LY96: variants seen among roughly 807,000 people sequenced by gnomAD.
LY96 encodes lymphocyte antigen 96.
In LY96, 18 loss-of-function variants were observed where a neutral mutation model predicts 18.9. That is an observed-to-expected ratio of 0.95 (90% CI 0.66 to 1.41). The LOEUF (loss-of-function observed/expected upper bound fraction) is 1.41, where lower values mean the gene tolerates loss of function less well. Ranked by LOEUF, LY96 falls within the 40% of genes most tolerant of loss-of-function variation. The probability of loss-of-function intolerance (pLI) is 0.00; values close to 1 mark genes in which losing one functional copy is unlikely to be tolerated. For missense variants in LY96, 175 were observed against 182.4 expected, an observed-to-expected ratio of 0.96 and a Z score of 0.23; for synonymous variants, 66 against 62.6, an observed-to-expected ratio of 1.06 and a Z score of -0.26.
chr8:74,001,591 C>T (rs1816270689), intron 1 of LY96, among the ~76,000 whole-genome samples: 1 of 151,904 alleles, frequency 6.6e-6, no homozygotes, highest in South Asian at 2.1e-4. Flanking sequence ...GTGACTTATG[C>T]CTGTAATGCC....
chr8:74,067,590 A>G, the LY96 span, among the ~76,000 whole-genome samples: 1 of 152,152 alleles, frequency 6.6e-6, no homozygotes, highest in Non-Finnish European at 1.5e-5. Context: ...CAAAAGCAGA[A>G]GTGGGACTAG....
At chr8:74,073,569 T>C in the LY96 span, among the ~76,000 whole-genome samples, 11 of 152,212 alleles carry the variant, frequency 7.2e-5, no homozygotes, top group Admixed American at 6.5e-4. Context: ...TTCTAATCCA[T>C]GCAGTTTCCC....
chr8:74,002,328 C>G (rs1586649092), intron 1 of LY96, among the ~76,000 whole-genome samples: 1 of 151,254 alleles, frequency 6.6e-6, no homozygotes. Flanking sequence ...TTTTTTCTTC[C>G]ACTTCTGGAA....
intron 3 of LY96, among the ~76,000 whole-genome samples, chr8:74,012,911 T>C (rs1816558803): frequency 1.3e-5 from 2 of 152,160 alleles, no homozygotes; most frequent in African/African-American, 4.8e-5. Context: ...TTATTGGTTT[T>C]AACTATATAA....
the LY96 span, among the ~76,000 whole-genome samples, chr8:74,067,842 C>A: frequency 1.3e-5 from 2 of 151,936 alleles, no homozygotes; most frequent in Non-Finnish European, 2.9e-5. Context: ...AGACTGATCA[C>A]CTGAGGTCAG....
chr8:74,081,058 T>TCTCTTTCTC, the LY96 span, among the ~76,000 whole-genome samples: 43 of 130,512 alleles, frequency 3.3e-4, no homozygotes, highest in African/African-American at 1.2e-3. Flanking sequence ...TTTTCTTTCT[T>TCTCTTTCTC]TCTTTCTTAC....
At chr8:74,084,432 A>G in the LY96 span, among the ~76,000 whole-genome samples, 1 of 152,312 alleles carries the variant, frequency 6.6e-6, no homozygotes, top group Non-Finnish European at 1.5e-5. Context: ...GTAACTCTGA[A>G]GTGCAGTTTG....
At chr8:74,020,339 A>C (rs565183195) in intron 3 of LY96, among the ~76,000 whole-genome samples, 12 of 152,322 alleles carry the variant, frequency 7.9e-5, no homozygotes, top group African/African-American at 2.9e-4. Context: ...AGAGAATAAA[A>C]TATCTAGGAA....
the LY96 span, among the ~76,000 whole-genome samples, chr8:74,035,984 A>G: frequency 6.6e-6 from 1 of 152,214 alleles, no homozygotes; most frequent in Admixed American, 6.5e-5. Context: ...CCTAGGGCAC[A>G]TGTCATCAGG....
At chr8:74,005,844 T>C (rs1816397687) in intron 2 of LY96, among the ~76,000 whole-genome samples, 1 of 152,250 alleles carries the variant, frequency 6.6e-6, no homozygotes, top group South Asian at 2.1e-4. Context: ...ACTTTAGTTT[T>C]AATCTTTATC....
the LY96 span, among the ~76,000 whole-genome samples, chr8:74,071,834 T>C: frequency 6.6e-6 from 1 of 152,232 alleles, no homozygotes; most frequent in African/African-American, 2.4e-5. Flanking sequence ...TGATTCACAT[T>C]GTGTGTAGTG....
chr8:74,001,333 T>C (rs992745256), intron 1 of LY96, among the ~76,000 whole-genome samples: 3 of 151,918 alleles, frequency 2.0e-5, no homozygotes, highest in Non-Finnish European at 4.4e-5. Flanking sequence ...GAGTGATTCT[T>C]GTGCCTCAGC....
intron 3 of LY96, among the ~76,000 whole-genome samples, chr8:74,013,219 G>A (rs147788915): frequency 0.011 from 1,681 of 151,950 alleles, 20 homozygotes; most frequent in African/African-American, 0.029. Context: ...TCCACTTCCC[G>A]GGTTCAAGTG....
the LY96 span, among the ~76,000 whole-genome samples, chr8:74,098,150 G>A: frequency 6.6e-6 from 1 of 152,172 alleles, no homozygotes; most frequent in Non-Finnish European, 1.5e-5. Flanking sequence ...TCAGAAATGA[G>A]TAATTTCAGA....
At chr8:74,052,157 G>T in the LY96 span, among the ~76,000 whole-genome samples, 3 of 152,348 alleles carry the variant, frequency 2.0e-5, no homozygotes, top group Admixed American at 1.3e-4. Flanking sequence ...TGGATGGAAG[G>T]TTTTTGCCAG....
Position 73,998,691 on chromosome 8 carries a change from CA to C in LY96, c.113-6097del, listed in dbSNP as rs60367712. Among the ~76,000 whole-genome samples, 5 of 151,150 alleles carry C rather than the reference CA, an allele frequency of 3.3e-5. No individual in the cohort carries two copies. The East Asian group carries it at 5.8e-4, about 18-fold the overall frequency. On this transcript the variant is annotated intron_variant, in intron 1 of 4. Coordinates refer to ENST00000284818, the MANE Select transcript of LY96 (RefSeq NM_015364.5). The stretch of plus-strand genomic sequence containing the variant: ...GAGTGAAATCCTGTCTCTTCTCTCT[CA>C]AAAAAAAGGAAAAATGCCATTAGGA...
intron 2 of LY96, among the ~76,000 whole-genome samples, chr8:74,009,374 C>CAAAAAAAAAAAA (rs370593442): frequency 3.1e-4 from 18 of 58,802 alleles, no homozygotes; most frequent in Middle Eastern, 8.3e-3. Context: ...CAGTCTTTCT[C>CAAAAAAAAAAAA]AAAAAAAAAA....
chr8:74,031,982 G>T (rs1221236817), downstream of LY96, among the ~76,000 whole-genome samples: 2 of 152,040 alleles, frequency 1.3e-5, no homozygotes, highest in African/African-American at 4.8e-5. Flanking sequence ...AAAATTATCT[G>T]GTAGTGGTGG....
chr8:74,038,009 A>T, the LY96 span, among the ~76,000 whole-genome samples: 1 of 152,160 alleles, frequency 6.6e-6, no homozygotes, highest in Non-Finnish European at 1.5e-5. Flanking sequence ...AAAATTTTTA[A>T]TTTTTAATTC....
Sources: gnomAD v4.1 joint callset for allele counts (sites outside exome capture counted in the v4.1 genomes callset) on GRCh38, gnomAD v4.1.1 for gene constraint, MANE v1.5 for transcripts, NCBI Gene and HGNC (gene_info 2026-07-23, HGNC 2026-07-21) for gene names.